NIBAN1: variants seen among roughly 807,000 people sequenced by gnomAD.
NIBAN1 encodes protein Niban 1.
In NIBAN1, 81 loss-of-function variants were observed where a neutral mutation model predicts 75.1. The ratio of observed to expected loss-of-function variants is 1.08; its 90% CI spans 0.90 to 1.30. The LOEUF (loss-of-function observed/expected upper bound fraction) is 1.30. Among genes scored for constraint, NIBAN1 ranks in the 50% most tolerant of loss-of-function variants. NIBAN1 has a pLI of 0.00. For missense variants in NIBAN1, 1,133 were observed against 1,128.1 expected, an observed-to-expected ratio of 1.00 and a Z score of -0.06; for synonymous variants, 436 against 424.8, an observed-to-expected ratio of 1.03 and a Z score of -0.32.
chr1:184,818,525 G>T, intron 9 of NIBAN1, 113 bp downstream of exon 9: 1 of 1,067,582 alleles, frequency 9.4e-7, no homozygotes, highest in Non-Finnish European at 1.3e-6. Context: ...AAGGGCAGAA[G>T]AATGGAAGGA....
chr1:184,962,173 T>C (rs1342317954), intron 1 of NIBAN1, among the ~76,000 whole-genome samples: 1 of 152,226 alleles, frequency 6.6e-6, no homozygotes, highest in Non-Finnish European at 1.5e-5. Context: ...TATGGTTTAA[T>C]GTAGTAAAAT....
chr1:184,939,907 A>G (rs369062611), intron 1 of NIBAN1, among the ~76,000 whole-genome samples: 1 of 152,112 alleles, frequency 6.6e-6, no homozygotes, highest in Non-Finnish European at 1.5e-5. Flanking sequence ...GTATCTCCAC[A>G]CTCCATTATG....
chr1:184,810,117 C>A (rs1033857196), intron 9 of NIBAN1, among the ~76,000 whole-genome samples: 5 of 152,086 alleles, frequency 3.3e-5, no homozygotes, highest in Admixed American at 6.5e-5. Context: ...TAAAATGATC[C>A]TGTTAATGCA....
At chr1:184,864,912 C>G (rs1404346574) in intron 5 of NIBAN1, among the ~76,000 whole-genome samples, 1 of 147,526 alleles carries the variant, frequency 6.8e-6, no homozygotes, top group African/African-American at 2.5e-5. Flanking sequence ...TTTATAAGAA[C>G]TAACTAGTTA....
At chr1:184,874,604 A>G (rs543149545) in intron 5 of NIBAN1, among the ~76,000 whole-genome samples, 7 of 152,202 alleles carry the variant, frequency 4.6e-5, no homozygotes, top group Admixed American at 3.9e-4. Context: ...GTGCTTATAT[A>G]TACACACATA....
intron 1 of NIBAN1, among the ~76,000 whole-genome samples, chr1:184,952,863 T>C (rs1398092092): frequency 6.6e-6 from 1 of 152,202 alleles, no homozygotes; most frequent in African/African-American, 2.4e-5. Flanking sequence ...AAACAAGTTC[T>C]TCTACACCAA....
intron 1 of NIBAN1, among the ~76,000 whole-genome samples, chr1:184,909,803 G>A (rs1657193988): frequency 6.6e-6 from 1 of 152,098 alleles, no homozygotes. Flanking sequence ...ATCTGACCTA[G>A]AACAGTTGAA....
chr1:184,958,404 AT>A (rs1221425618), intron 1 of NIBAN1, among the ~76,000 whole-genome samples: 3 of 150,948 alleles, frequency 2.0e-5, no homozygotes, highest in Non-Finnish European at 4.4e-5. Flanking sequence ...ACACACACAA[AT>A]AGCCAAATAA....
At chr1:184,902,252 C>T (rs1656974491) in intron 1 of NIBAN1, among the ~76,000 whole-genome samples, 1 of 152,040 alleles carries the variant, frequency 6.6e-6, no homozygotes, top group Admixed American at 6.6e-5. Flanking sequence ...AAAAAATAGT[C>T]TGATGTTGGA....
chr1:184,946,433 G>A (rs1658227844), intron 1 of NIBAN1, among the ~76,000 whole-genome samples: 1 of 152,216 alleles, frequency 6.6e-6, no homozygotes, highest in Non-Finnish European at 1.5e-5. Context: ...GGGAGTGCTG[G>A]AAGAGTTGAA....
intron 4 of NIBAN1, among the ~76,000 whole-genome samples, chr1:184,885,230 G>T (rs1656491506): frequency 6.6e-6 from 1 of 152,020 alleles, no homozygotes; most frequent in Non-Finnish European, 1.5e-5. Context: ...TGTCTTTTTA[G>T]TAGAGACAGG....
chr1:184,864,687 T>C (rs1379212582), intron 5 of NIBAN1, among the ~76,000 whole-genome samples: 1 of 152,070 alleles, frequency 6.6e-6, no homozygotes, highest in Non-Finnish European at 1.5e-5. Context: ...ATTCACAAAC[T>C]AGACATCTAA....
At chr1:184,869,329 A>G (rs577450714) in intron 5 of NIBAN1, among the ~76,000 whole-genome samples, 3 of 152,216 alleles carry the variant, frequency 2.0e-5, no homozygotes, top group Non-Finnish European at 2.9e-5. Flanking sequence ...TAGATCGTCC[A>G]GTATAAAAAG....
chr1:184,813,537 T>C (rs889402588), intron 9 of NIBAN1, among the ~76,000 whole-genome samples: 1 of 152,166 alleles, frequency 6.6e-6, no homozygotes, highest in Non-Finnish European at 1.5e-5. Context: ...CCCCTAGCTA[T>C]ATAAAGAAGG....
At chr1:184,899,870 G>T (rs1321823451) in intron 1 of NIBAN1, among the ~76,000 whole-genome samples, 4 of 141,524 alleles carry the variant, frequency 2.8e-5, no homozygotes, top group African/African-American at 1.1e-4. Flanking sequence ...AGGCTGGAGT[G>T]CAATGGCACA....
chr1:184,948,419 A>G (rs1046725084), intron 1 of NIBAN1, among the ~76,000 whole-genome samples: 10 of 152,246 alleles, frequency 6.6e-5, no homozygotes, highest in Non-Finnish European at 1.2e-4. Flanking sequence ...CTGTGTTCCA[A>G]GAGGTTAGAA....
At chr1:184,918,966 A>G (rs962868455) in intron 1 of NIBAN1, among the ~76,000 whole-genome samples, 14 of 152,240 alleles carry the variant, frequency 9.2e-5, no homozygotes, top group African/African-American at 3.4e-4. Flanking sequence ...TTTGCCACAC[A>G]AATGGAACAT....
At chr1:184,913,054 G>A (rs980893576) in intron 1 of NIBAN1, among the ~76,000 whole-genome samples, 5 of 151,158 alleles carry the variant, frequency 3.3e-5, no homozygotes, top group Non-Finnish European at 4.4e-5. Context: ...GTCCCCTATC[G>A]ATGGATACTT....
chr1:184,792,466 G>A lies in NIBAN1; in HGVS notation c.*2511C>T, dbSNP rs1456729799. On this transcript the variant is annotated 3_prime_UTR_variant, in exon 14 of 14. Transcript: ENST00000367511. ...GCCCTGCATTGAGCAAAGAAAGGAA[G>A]CTAGGAAGCTCCGGTGTGAGGTCAG... The A allele has an allele frequency of 6.5e-6, 1 of 152,736 alleles. No homozygotes were observed. The highest frequency in any genetic ancestry group is 6.5e-5 in the Admixed American group (1 of 15,290). The allele number at this position is 152,736 out of a possible 1,614,324, so 9.5% of individuals were successfully genotyped here.
Sources: allele counts gnomAD v4.1 joint callset (sites outside exome capture counted in the v4.1 genomes callset), GRCh38; gene constraint gnomAD v4.1.1; transcripts MANE v1.5; gene names NCBI Gene and HGNC (gene_info 2026-07-23, HGNC 2026-07-21).